The following LUZP2 variants were observed in gnomAD, a reference collection of about 807,000 sequenced individuals.
LUZP2 encodes the protein leucine zipper protein 2.
Under a neutral mutation model 51.6 loss-of-function variants are expected in LUZP2, and 52 were observed. The observed-to-expected ratio is 1.01, with a 90% confidence interval of 0.81 to 1.27. The LOEUF (loss-of-function observed/expected upper bound fraction) is 1.27, where lower values mean the gene tolerates loss of function less well. Among genes scored for constraint, LUZP2 ranks in the 50% most tolerant of loss-of-function variants. LUZP2 has a pLI of 0.00. For missense variants in LUZP2, 436 were observed against 395.4 expected (o/e 1.10, Z -0.87); for synonymous variants, 154 against 137.3 (o/e 1.12, Z -0.85).
At chr11:24,772,666 GT>G (rs1207797257) in intron 5 of LUZP2, among the ~76,000 whole-genome samples, 1 of 152,110 alleles carries the variant, frequency 6.6e-6, no homozygotes, top group Non-Finnish European at 1.5e-5. Flanking sequence ...AAAAGTATGT[GT>G]CCTAAAACAA....
intron 5 of LUZP2, among the ~76,000 whole-genome samples, chr11:24,881,054 G>GAACAGGGTA (rs1357956674): frequency 6.6e-6 from 1 of 152,130 alleles, no homozygotes; most frequent in East Asian, 1.9e-4. Flanking sequence ...TGTAGGTCAA[G>GAACAGGGTA]AACAGGGTTT....
At chr11:25,055,999 A>G (rs893097986) in intron 10 of LUZP2, among the ~76,000 whole-genome samples, 40 of 152,310 alleles carry the variant, frequency 2.6e-4, no homozygotes, top group African/African-American at 9.1e-4. Context: ...TATGAAAGCT[A>G]TGCCTCTCAC....
intron 9 of LUZP2, among the ~76,000 whole-genome samples, chr11:25,035,701 C>A (rs1021584145): frequency 6.6e-6 from 1 of 152,024 alleles, no homozygotes; most frequent in South Asian, 2.1e-4. Flanking sequence ...GTAAAATATA[C>A]ATCAATTTTA....
At chr11:24,583,735 G>A (rs560406275) in intron 1 of LUZP2, among the ~76,000 whole-genome samples, 205 of 147,778 alleles carry the variant, frequency 1.4e-3, no homozygotes, top group African/African-American at 4.8e-3. Flanking sequence ...ATGGAGTCTC[G>A]CTCTGTCGCC....
intron 5 of LUZP2, among the ~76,000 whole-genome samples, chr11:24,796,198 G>C (rs1375766316): frequency 6.6e-6 from 1 of 151,984 alleles, no homozygotes; most frequent in Non-Finnish European, 1.5e-5. Flanking sequence ...AAATTGCTCT[G>C]GGGCTTTCAA....
intron 4 of LUZP2, among the ~76,000 whole-genome samples, chr11:24,760,988 G>T (rs977439718): frequency 6.6e-6 from 1 of 152,094 alleles, no homozygotes; most frequent in Non-Finnish European, 1.5e-5. Context: ...TTCTCTAGAG[G>T]TTCCCAGTTC....
intron 1 of LUZP2, among the ~76,000 whole-genome samples, chr11:24,708,208 A>T (rs1018515061): frequency 2.0e-5 from 3 of 152,190 alleles, no homozygotes; most frequent in Non-Finnish European, 4.4e-5. Flanking sequence ...AGAAATTTGG[A>T]ACTCATATCC....
chr11:24,832,297 T>C (rs1331451000), intron 5 of LUZP2, among the ~76,000 whole-genome samples: 1 of 151,942 alleles, frequency 6.6e-6, no homozygotes, highest in African/African-American at 2.4e-5. Context: ...AATGATTACA[T>C]TATCTCCTGT....
intron 5 of LUZP2, among the ~76,000 whole-genome samples, chr11:24,876,028 G>A (rs1262671461): frequency 2.0e-5 from 3 of 152,046 alleles, no homozygotes; most frequent in South Asian, 2.1e-4. Flanking sequence ...AGTAGGTTGC[G>A]AAAATTTTCT....
At chr11:25,074,389 A>T (rs1859241179) in intron 10 of LUZP2, among the ~76,000 whole-genome samples, 1 of 152,188 alleles carries the variant, frequency 6.6e-6, no homozygotes, top group African/African-American at 2.4e-5. Context: ...GAAAGAGTAA[A>T]TTTAAAGTTG....
chr11:24,570,023 C>A (rs1269532348), intron 1 of LUZP2, among the ~76,000 whole-genome samples: 1 of 151,968 alleles, frequency 6.6e-6, no homozygotes, highest in East Asian at 1.9e-4. Context: ...AAATTACCAC[C>A]CTGATACAAC....
rs543644298 is a variant in LUZP2 at position 24,735,309 on chromosome 11, G to A, written c.252-2912G>A. Among the ~76,000 whole-genome samples the A allele has an allele frequency of 2.6e-5, 4 of 151,922 alleles. No homozygotes were observed. The East Asian group carries it at 7.8e-4, about 30-fold the overall frequency. ...ATAATATTCATAGGAGATTCCCCAG[G>A]TGAATGGAGAGATTTTAAACCATAC... is the stretch of plus-strand genomic sequence containing the variant. On this transcript the variant is annotated intron_variant, in intron 3 of 11. Transcript: ENST00000336930.
At chr11:25,068,468 T>G (rs971932409) in intron 10 of LUZP2, among the ~76,000 whole-genome samples, 6 of 151,988 alleles carry the variant, frequency 3.9e-5, no homozygotes, top group African/African-American at 1.4e-4. Context: ...AGTTTCAACT[T>G]CTTGTCAGCC....
At position 24,594,750 on chromosome 11, in the gene LUZP2, CTTTTTTTTTTTTTT is replaced by C. The variant is rs61196514; in HGVS notation, c.62+97459_62+97472del. The stretch of plus-strand genomic sequence containing the variant: ...GCATTCAATATAGCGGTTTGGGACA[CTTTTTTTTTTTTTT>C]TTTTTTTTTTTTTGAGGTGGAGTCT... On this transcript the variant is annotated intron_variant, in intron 1 of 11. Coordinates refer to ENST00000336930, the MANE Select transcript of LUZP2 (RefSeq NM_001009909.4). 7.1e-3 allele frequency among the ~76,000 whole-genome samples: 555 copies of C among 78,596 alleles called. 21 individuals carry two copies. In the East Asian group the frequency reaches 0.12, roughly 17 times the overall value. The allele number at this position is 78,596 out of a possible 152,430, so 51.6% of individuals were successfully genotyped here.
chr11:25,006,410 C>G (rs1281997252), intron 9 of LUZP2, among the ~76,000 whole-genome samples: 1 of 152,146 alleles, frequency 6.6e-6, no homozygotes, highest in Non-Finnish European at 1.5e-5. Context: ...TGTCAGGACC[C>G]TGGAGCTGAA....
At chr11:24,498,599 TC>T (rs1314294346) in intron 1 of LUZP2, among the ~76,000 whole-genome samples, 1 of 152,240 alleles carries the variant, frequency 6.6e-6, no homozygotes, top group Non-Finnish European at 1.5e-5. Context: ...TCACTTCAGC[TC>T]ATAAAGTGCA....
chr11:25,040,900 T>C (rs369440978), intron 9 of LUZP2, among the ~76,000 whole-genome samples: 1 of 152,156 alleles, frequency 6.6e-6, no homozygotes, highest in African/African-American at 2.4e-5. Context: ...GTCCACTGCA[T>C]GTGTGGACTT....
intron 5 of LUZP2, chr11:24,890,877 CAGG>C: frequency 1.1e-6 from 1 of 938,560 alleles, no homozygotes. Flanking sequence ...GGGCCATTTA[CAGG>C]AGGAGTAAAA....
At chr11:24,618,719 C>A (rs1049014123) in intron 1 of LUZP2, among the ~76,000 whole-genome samples, 2 of 152,146 alleles carry the variant, frequency 1.3e-5, no homozygotes, top group Non-Finnish European at 2.9e-5. Flanking sequence ...GCTTTCCTCC[C>A]TTCACCTTTC....
Sources: gnomAD v4.1 joint callset for allele counts (sites outside exome capture counted in the v4.1 genomes callset) on GRCh38, gnomAD v4.1.1 for gene constraint, MANE v1.5 for transcripts, NCBI Gene and HGNC (gene_info 2026-07-23, HGNC 2026-07-21) for gene names.